Variants in PPFIBP1 observed in about 807,000 individuals in gnomAD.
The protein encoded by PPFIBP1 is PPFIB scaffold protein 1, also known as liprin-beta-1.
PPFIBP1 carries 112 observed loss-of-function variants against 137.8 expected under a neutral mutation model. That is an observed-to-expected ratio of 0.81 (90% confidence interval 0.70 to 0.95). The LOEUF (loss-of-function observed/expected upper bound fraction) is 0.95, where lower values mean the gene tolerates loss of function less well. Ranked by LOEUF, PPFIBP1 falls within the 40% of genes least tolerant of loss-of-function variation. The pLI, the probability that PPFIBP1 is intolerant of heterozygous loss-of-function variation, is 0.00. For synonymous variants in PPFIBP1, 378 were observed against 417.3 expected, an observed-to-expected ratio of 0.91 and a Z score of 1.15; for missense variants, 1,083 against 1,196.6, an observed-to-expected ratio of 0.91 and a Z score of 1.40.
At chr12:27,691,208 C>T (rs2061520526) in intron 27 of PPFIBP1, among the ~76,000 whole-genome samples, 1 of 150,960 alleles carries the variant, frequency 6.6e-6, no homozygotes, top group Non-Finnish European at 1.5e-5. Flanking sequence ...TTCTATTTTG[C>T]TAATCTTAGA....
chr12:27,688,507 T>A, intron 26 of PPFIBP1, 84 bp downstream of exon 26: 1 of 1,527,564 alleles, frequency 6.5e-7, no homozygotes, highest in African/African-American at 1.4e-5. Flanking sequence ...TTGCTTATCA[T>A]AATCCTAAAG....
At chr12:27,595,171 A>T (rs530776591) in intron 2 of PPFIBP1, among the ~76,000 whole-genome samples, 1 of 152,356 alleles carries the variant, frequency 6.6e-6, no homozygotes, top group East Asian at 1.9e-4. Context: ...ATCTGATGAC[A>T]CTTTTTAGTC....
At chr12:27,535,836 CAT>C (rs1290600030) in intron 1 of PPFIBP1, among the ~76,000 whole-genome samples, 37 of 152,318 alleles carry the variant, frequency 2.4e-4, no homozygotes, top group Admixed American at 1.9e-3. Context: ...CACTTCTTGA[CAT>C]GTGCACATTC....
intron 14 of PPFIBP1, among the ~76,000 whole-genome samples, chr12:27,671,945 G>T (rs1010934814): frequency 6.6e-6 from 1 of 152,088 alleles, no homozygotes; most frequent in Non-Finnish European, 1.5e-5. Context: ...GGTGGCACAC[G>T]CCTGTAATCC....
At position 27,676,485 on chromosome 12, in the gene PPFIBP1, C is replaced by T. The variant is rs2140279716; in HGVS notation, c.1468C>T (p.Gln490Ter). The T allele has an allele frequency of 6.2e-7, 1 of 1,604,178 alleles. No individual in the cohort carries two copies. The highest frequency in any genetic ancestry group is 8.5e-7 in the Non-Finnish European group (1 of 1,174,282). The change falls in exon 18 of 30, where the codon CAG (glutamine) becomes TAG (stop). Residue 490 changes from glutamine (Q) to a stop codon, truncating the protein, a stop_gained. Coordinates refer to ENST00000228425, the MANE Select transcript of PPFIBP1 (RefSeq NM_003622.4). LOFTEE classifies it high-confidence loss of function. ...GACCCTTCCTCCCAGGCCCCCAGGG[C>T]AGGACACCTCCATGGATGACAACCC... Reference protein sequence around the residue: ...FGTLPPRPPGQDTSMDDNPFG... With the variant: ...FGTLPPRPPG
At chr12:27,543,607 A>G (rs1945892496) in intron 1 of PPFIBP1, among the ~76,000 whole-genome samples, 1 of 152,206 alleles carries the variant, frequency 6.6e-6, no homozygotes, top group Non-Finnish European at 1.5e-5. Flanking sequence ...GAGTTTTAAT[A>G]TAATTCACGC....
intron 1 of PPFIBP1, among the ~76,000 whole-genome samples, chr12:27,539,704 CT>C (rs201565412): frequency 0.011 from 1,657 of 151,922 alleles, 29 homozygotes; most frequent in African/African-American, 0.038. Flanking sequence ...AATTGTTACA[CT>C]TTTTTTGTAA....
chr12:27,562,525 G>T (rs1375972978), intron 1 of PPFIBP1, among the ~76,000 whole-genome samples: 2 of 152,168 alleles, frequency 1.3e-5, no homozygotes, highest in Non-Finnish European at 2.9e-5. Flanking sequence ...GTAAATGTTA[G>T]TTGGCCATGA....
At chr12:27,582,243 C>G (rs2051213721) in intron 2 of PPFIBP1, among the ~76,000 whole-genome samples, 1 of 152,096 alleles carries the variant, frequency 6.6e-6, no homozygotes, top group Non-Finnish European at 1.5e-5. Context: ...CATGCTGTCT[C>G]TATAACTGAG....
At chr12:27,659,507 G>A (rs182026250) in intron 10 of PPFIBP1, among the ~76,000 whole-genome samples, 2 of 152,010 alleles carry the variant, frequency 1.3e-5, no homozygotes, top group African/African-American at 2.4e-5. Context: ...CAGCTACTCA[G>A]GAGGCTGAGG....
At chr12:27,673,885 G>T in intron 16 of PPFIBP1, 58 bp downstream of exon 16, 2 of 1,405,056 alleles carry the variant, frequency 1.4e-6, no homozygotes, top group South Asian at 2.4e-5. Flanking sequence ...AACTATTTAG[G>T]GATCTTCATC....
intron 1 of PPFIBP1, among the ~76,000 whole-genome samples, chr12:27,543,524 C>T (rs565905330): frequency 8.5e-4 from 129 of 152,112 alleles, no homozygotes; most frequent in African/African-American, 2.9e-3. Context: ...TCATTTTTTC[C>T]ACCTTTTGGT....
At position 27,633,439 on chromosome 12, in the gene PPFIBP1, C is replaced by T; in HGVS notation, c.43C>T (p.Gln15Ter). The change falls in exon 3 of 30, where the codon CAG becomes TAG. Residue 15 changes from glutamine to a stop codon, truncating the protein, a stop_gained. Coordinates refer to ENST00000228425, the MANE Select transcript of PPFIBP1 (RefSeq NM_003622.4). LOFTEE classifies it high-confidence loss of function. ...TGACATGTTGGCTGCAGCGTTGGAG[C>T]AGATGGATGGTATCATAGCAGGTGA... ...ASDMLAAALEQMDGIIAGSKA... is the reference protein window; with the variant it reads ...ASDMLAAALE 1 of 1,613,076 alleles carries T rather than the reference C, an allele frequency of 6.2e-7. No homozygotes were observed. The highest frequency in any genetic ancestry group is 8.5e-7 in the Non-Finnish European group (1 of 1,179,896).
chr12:27,568,553 G>A (rs548921568), intron 1 of PPFIBP1, among the ~76,000 whole-genome samples: 1 of 152,330 alleles, frequency 6.6e-6, no homozygotes, highest in East Asian at 1.9e-4. Flanking sequence ...AAGCAGATAT[G>A]ATGCCAGGAT....
chr12:27,627,327 G>C (rs1451999329), intron 2 of PPFIBP1, among the ~76,000 whole-genome samples: 1 of 152,124 alleles, frequency 6.6e-6, no homozygotes, highest in Non-Finnish European at 1.5e-5. Context: ...TGTTGAGAAA[G>C]GTATGAGTAA....
chr12:27,684,073 C>T (rs146147344), intron 24 of PPFIBP1, among the ~76,000 whole-genome samples: 11,059 of 151,626 alleles, frequency 0.073, 1,301 homozygotes, highest in African/African-American at 0.25. Flanking sequence ...AGGCGTGAGC[C>T]ACCGAGCCTG....
At chr12:27,677,143 C>A (rs769699897) in intron 19 of PPFIBP1, 47 bp downstream of exon 19, 2 of 1,606,078 alleles carry the variant, frequency 1.2e-6, no homozygotes, top group South Asian at 2.2e-5. Context: ...GTGCTCCAAA[C>A]CAATCTAATC....
intron 14 of PPFIBP1, among the ~76,000 whole-genome samples, 192 bp from the exon 15 acceptor site, chr12:27,672,235 A>C (rs12826974): frequency 0.23 from 35,251 of 152,148 alleles, 4,217 homozygotes; most frequent in Non-Finnish European, 0.25. Context: ...TGTCTCTAAG[A>C]AAATAGAATG....
chr12:27,684,857 G>C (rs2061103090), intron 24 of PPFIBP1, among the ~76,000 whole-genome samples: 1 of 151,978 alleles, frequency 6.6e-6, no homozygotes. Flanking sequence ...CTTTCACTCA[G>C]CTTCCTCTAA....
Sources: allele counts gnomAD v4.1 joint callset (sites outside exome capture counted in the v4.1 genomes callset), GRCh38; gene constraint gnomAD v4.1.1; transcripts MANE v1.5; gene names NCBI Gene and HGNC (gene_info 2026-07-23, HGNC 2026-07-21).